PIEZO2: variants seen among roughly 807,000 people sequenced by gnomAD.
PIEZO2 encodes piezo-type mechanosensitive ion channel component 2.
Under a neutral mutation model 337.3 loss-of-function variants are expected in PIEZO2, and 172 were observed. That is an observed-to-expected ratio of 0.51 (90% CI 0.45 to 0.58). PIEZO2 has a LOEUF of 0.58. Among genes scored for constraint, PIEZO2 ranks in the 20% least tolerant of loss-of-function variants. The pLI, the probability that PIEZO2 is intolerant of heterozygous loss-of-function variation, is 0.00. For synonymous variants in PIEZO2, 1,251 were observed against 1,228.5 expected, an observed-to-expected ratio of 1.02 and a Z score of -0.38; for missense variants, 3,028 against 3,391.3, an observed-to-expected ratio of 0.89 and a Z score of 2.66.
intron 1 of PIEZO2, among the ~76,000 whole-genome samples, chr18:11,106,418 CTTTTTTT>C (rs539595699): frequency 7.7e-6 from 1 of 129,598 alleles, no homozygotes; most frequent in Non-Finnish European, 1.6e-5. Flanking sequence ...TTTCCTCTCT[CTTTTTTT>C]TTTTTTTTTT....
rs1567983926 is a variant in PIEZO2, at chr18:10,720,413, GTGTATGTATATATATATA to G, written c.5030-2172_5030-2155del. 1.0e-3 allele frequency among the ~76,000 whole-genome samples: 38 copies of G among 36,676 alleles called. 2 individuals are homozygous for G. The highest frequency in any genetic ancestry group is 2.8e-3 in the African/African-American group (14 of 5,026). The allele number at this position is 36,676 out of a possible 152,430, so 24.1% of individuals were successfully genotyped here. ...TGTGTGTGTGTGTGTGTATGTGTAT[GTGTATGTATATATATATA>G]TATATATATATATATATATATATAT... On this transcript the variant is annotated intron_variant, in intron 36 of 55. Transcript: ENST00000674853.
Position 10,855,604 on chromosome 18 carries a change from C to T in PIEZO2, c.704-38G>A. The T allele has an allele frequency of 1.4e-6, 2 of 1,438,108 alleles. No homozygotes were observed. The highest frequency in any genetic ancestry group is 1.9e-6 in the Non-Finnish European group (2 of 1,061,732). The allele number at this position is 1,438,108 out of a possible 1,614,324, so 89.1% of individuals were successfully genotyped here. Reference sequence around the variant, plus strand: ...AACGTAATCACAAAGTCAGGTAGAACTGGAAATTCACTTATCATTCAGTGA... The same window carrying T: ...AACGTAATCACAAAGTCAGGTAGAATTGGAAATTCACTTATCATTCAGTGA... On this transcript the variant is annotated intron_variant, in intron 6 of 55. Coordinates refer to ENST00000674853, the MANE Select transcript of PIEZO2 (RefSeq NM_001378183.1). The surrounding 1 kb of genome is among the most constrained non-coding windows in gnomAD (Gnocchi z 4.9).
rs2036033563 is a variant in PIEZO2, at chr18:11,014,651, G to C, written c.161-34991C>G. ...CACTCTGGGTGGGACAGCGATCCAT[G>C]ACCCCCTCATTCCTCAGTGGGGAAC... On this transcript the variant is annotated intron_variant, in intron 2 of 55. Coordinates refer to ENST00000674853, the MANE Select transcript of PIEZO2 (RefSeq NM_001378183.1). Among the ~76,000 whole-genome samples the C allele has an allele frequency of 2.7e-5, 4 of 147,998 alleles. No homozygotes were observed. In the South Asian group the frequency reaches 8.7e-4, roughly 32 times the overall value.
Position 10,670,591 on chromosome 18 carries a change from T to C in PIEZO2, c.*936A>G, listed in dbSNP as rs1437702007. ...TACCTGAAAAACAGGAAGGAAAATG[T>C]CACATACTGGAAAAACCATTGCCTT... On this transcript the variant is annotated 3_prime_UTR_variant, in exon 56 of 56. Coordinates refer to ENST00000674853, the MANE Select transcript of PIEZO2 (RefSeq NM_001378183.1). The C allele has an allele frequency of 6.6e-6, 1 of 152,180 alleles. No homozygotes were observed. Among genetic ancestry groups the C allele is most frequent in the Non-Finnish European group, 1.5e-5 (1 of 68,034 alleles). 9.4% of individuals were successfully genotyped at this position (152,180 alleles called of 1,614,324 possible). A position where few individuals can be genotyped will look rare whatever the true frequency, so the allele number is the denominator to read the frequency against.
intron 2 of PIEZO2, among the ~76,000 whole-genome samples, chr18:11,053,362 T>C (rs931658407): frequency 1.3e-5 from 2 of 152,226 alleles, no homozygotes; most frequent in Non-Finnish European, 2.9e-5. Flanking sequence ...AGACTGGCTA[T>C]AGTCACACAA....
chr18:11,064,051 C>G (rs2038064600), intron 2 of PIEZO2, among the ~76,000 whole-genome samples: 1 of 152,126 alleles, frequency 6.6e-6, no homozygotes, highest in South Asian at 2.1e-4. Flanking sequence ...AGAAAGTCCT[C>G]GCATAAATCT....
chr18:11,148,605 G>A lies in PIEZO2; in HGVS notation c.-17C>T. Reference sequence around the variant, plus strand: ...TGAGGCCATCGCGTCGGTCCGGCGAGTCGGAGCAGAGGGGCGAGGCTCGAG... The same window carrying A: ...TGAGGCCATCGCGTCGGTCCGGCGAATCGGAGCAGAGGGGCGAGGCTCGAG... On this transcript the variant is annotated 5_prime_UTR_variant, in exon 1 of 56. Transcript: ENST00000674853. This position sits in a 1 kb window ranked among gnomAD's most constrained non-coding sequence, Gnocchi z 5.2. 6.5e-7 allele frequency: 1 copy of A among 1,536,938 alleles called. No individual in the cohort carries two copies. Among genetic ancestry groups the A allele is most frequent in the Non-Finnish European group, 8.7e-7 (1 of 1,146,838 alleles).
At chr18:10,762,769 G>C (rs540261929) in intron 22 of PIEZO2, 144 bp from the exon 23 acceptor site, 1 of 1,313,366 alleles carries the variant, frequency 7.6e-7, no homozygotes, top group Admixed American at 2.5e-5. Context: ...AGTATGAGAC[G>C]AGGCTTAACA....
chr18:10,674,907 G>C (rs191951731), intron 54 of PIEZO2, among the ~76,000 whole-genome samples: 23 of 152,332 alleles, frequency 1.5e-4, no homozygotes, highest in Middle Eastern at 6.8e-3. Flanking sequence ...TTTCCTGTCA[G>C]TAATCTGGCT....
rs569513727 is a variant in PIEZO2 at position 10,853,395 on chromosome 18, T to G, written c.917+1958A>C. 1.2e-4 allele frequency among the ~76,000 whole-genome samples: 18 copies of G among 152,118 alleles called. No homozygotes were observed. The South Asian group carries it at 3.7e-3, about 32-fold the overall frequency. On this transcript the variant is annotated intron_variant, in intron 7 of 55. Transcript: ENST00000674853. The surrounding 1 kb of genome is among the most constrained non-coding windows in gnomAD (Gnocchi z 4.2). ...CCTGCTCTAAAGCTTTTTAATACAT[T>G]GTCACTCATTCCTGCTCCAAAACTT...
chr18:11,102,283 T>C lies in PIEZO2; in HGVS notation c.65-36061A>G, dbSNP rs1178064858. 6.6e-6 allele frequency among the ~76,000 whole-genome samples: 1 copy of C among 152,226 alleles called. No individual in the cohort carries two copies. Among genetic ancestry groups the C allele is most frequent in the Non-Finnish European group, 1.5e-5 (1 of 68,040 alleles). On this transcript the variant is annotated intron_variant, in intron 1 of 55. Transcript: ENST00000674853. The surrounding 1 kb of genome is among the most constrained non-coding windows in gnomAD (Gnocchi z 5.7). ...CAGTGAGCTTAATCTTCCCTTGCCC[T>C]GCGATAAAAACCTGGCACATCCCAT...
intron 3 of PIEZO2, among the ~76,000 whole-genome samples, chr18:10,949,922 T>C (rs2033213105): frequency 6.6e-6 from 1 of 152,124 alleles, no homozygotes; most frequent in East Asian, 1.9e-4. Context: ...TCTAATAGTG[T>C]CCTTGAAAGA....
At chr18:10,925,291 A>T (rs533628368) in intron 3 of PIEZO2, among the ~76,000 whole-genome samples, 1 of 152,332 alleles carries the variant, frequency 6.6e-6, no homozygotes, top group East Asian at 1.9e-4. Context: ...CTTTGCTCTT[A>T]AATGTCAGGT....
intron 47 of PIEZO2, among the ~76,000 whole-genome samples, 157 bp from the exon 48 acceptor site, chr18:10,691,540 G>T (rs1367456643): frequency 1.3e-5 from 2 of 151,770 alleles, no homozygotes; most frequent in African/African-American, 4.8e-5. Flanking sequence ...CACTTCAAAG[G>T]CAAAAGGTGG....
At chr18:11,062,109 C>T (rs1180809750) in intron 2 of PIEZO2, among the ~76,000 whole-genome samples, 2 of 151,910 alleles carry the variant, frequency 1.3e-5, no homozygotes, top group Non-Finnish European at 2.9e-5. Context: ...ATGCCGCATA[C>T]CTACAACTAT....
rs1342018510 is a variant in PIEZO2 at position 10,775,773 on chromosome 18, G to A, written c.2535-1735C>T. On this transcript the variant is annotated intron_variant, in intron 18 of 55. Coordinates refer to ENST00000674853, the MANE Select transcript of PIEZO2 (RefSeq NM_001378183.1). The surrounding 1 kb of genome is among the most constrained non-coding windows in gnomAD (Gnocchi z 4.3). ...CCACAAGGCTGATTTCTAGAAACTT[G>A]TAATGGGACAAGATGCAGCTGCGGA... Among the ~76,000 whole-genome samples, 1 of 152,138 alleles carries A rather than the reference G, an allele frequency of 6.6e-6. No homozygotes were observed. Among genetic ancestry groups the A allele is most frequent in the African/African-American group, 2.4e-5 (1 of 41,434 alleles).
At chr18:10,765,134 G>A (rs1021853104) in intron 21 of PIEZO2, among the ~76,000 whole-genome samples, 1 of 152,236 alleles carries the variant, frequency 6.6e-6, no homozygotes, top group Admixed American at 6.5e-5. Flanking sequence ...GCCCGCAGGA[G>A]GCATGTGGGA....
At chr18:10,805,310 T>A (rs2039964963) in intron 8 of PIEZO2, among the ~76,000 whole-genome samples, 1 of 152,208 alleles carries the variant, frequency 6.6e-6, no homozygotes, top group Admixed American at 6.5e-5. Flanking sequence ...GCTCAGGAGT[T>A]CCAGACCAGC....
chr18:11,087,347 A>G (rs8090413), intron 1 of PIEZO2, among the ~76,000 whole-genome samples: 1 of 151,990 alleles, frequency 6.6e-6, no homozygotes, highest in African/African-American at 2.4e-5. Flanking sequence ...CAGATCTTGG[A>G]TTATGCTAGC....
Sources: gnomAD v4.1 joint callset for allele counts (sites outside exome capture counted in the v4.1 genomes callset) on GRCh38, gnomAD v4.1.1 for gene constraint, Gnocchi (gnomAD v3.1) non-coding constraint, MANE v1.5 for transcripts, NCBI Gene and HGNC (gene_info 2026-07-23, HGNC 2026-07-21) for gene names.